KCNB2: variants seen among roughly 807,000 people sequenced by gnomAD.
KCNB2 encodes the protein potassium voltage-gated channel subfamily B member 2.
In KCNB2, 15 loss-of-function variants were observed where a neutral mutation model predicts 61.5. The observed-to-expected ratio is 0.24, with a 90% CI of 0.16 to 0.38. KCNB2 has a LOEUF of 0.38. Ranked by LOEUF, KCNB2 falls within the 10% of genes least tolerant of loss-of-function variation. KCNB2 has a pLI of 1.00. For missense variants in KCNB2, 828 were observed against 1,125.2 expected, an observed-to-expected ratio of 0.74 and a Z score of 3.78; for synonymous variants, 457 against 446.0, an observed-to-expected ratio of 1.02 and a Z score of -0.31.
chr8:72,791,146 A>G (rs1008731036), intron 2 of KCNB2, among the ~76,000 whole-genome samples: 1 of 152,180 alleles, frequency 6.6e-6, no homozygotes, highest in African/African-American at 2.4e-5. Flanking sequence ...TTAGAGACTC[A>G]GGCAGTTTTC....
At chr8:72,599,977 A>G (rs1357009563) in intron 2 of KCNB2, among the ~76,000 whole-genome samples, 1 of 152,204 alleles carries the variant, frequency 6.6e-6, no homozygotes, top group Non-Finnish European at 1.5e-5. Flanking sequence ...AAATAGGAAC[A>G]CTTTTACACT....
At chr8:72,596,591 G>A (rs1383348552) in intron 2 of KCNB2, among the ~76,000 whole-genome samples, 2 of 152,080 alleles carry the variant, frequency 1.3e-5, no homozygotes, top group East Asian at 3.8e-4. Context: ...CTTACTAATA[G>A]CTTCAGAATT....
At chr8:72,538,668 T>C (rs1042228270) in intron 1 of KCNB2, among the ~76,000 whole-genome samples, 6 of 152,222 alleles carry the variant, frequency 3.9e-5, no homozygotes, top group African/African-American at 9.6e-5. Context: ...GCACATACAC[T>C]GGGTTAATTC....
At chr8:72,715,716 T>C (rs975122042) in intron 2 of KCNB2, among the ~76,000 whole-genome samples, 1 of 151,906 alleles carries the variant, frequency 6.6e-6, no homozygotes, top group South Asian at 2.1e-4. Flanking sequence ...GCAGGAAAGA[T>C]CTAAAATTGA....
At chr8:72,851,583 A>G (rs932945487) in intron 2 of KCNB2, among the ~76,000 whole-genome samples, 3 of 151,938 alleles carry the variant, frequency 2.0e-5, no homozygotes, top group African/African-American at 7.3e-5. Context: ...AGTAGCACGA[A>G]CCCTTCGAGA....
chr8:72,774,436 C>G (rs1029828477), intron 2 of KCNB2, among the ~76,000 whole-genome samples: 1 of 152,090 alleles, frequency 6.6e-6, no homozygotes, highest in Non-Finnish European at 1.5e-5. Context: ...CTGCAAACTC[C>G]GCCTCCCAGG....
chr8:72,644,985 T>C (rs1806107910), intron 2 of KCNB2, among the ~76,000 whole-genome samples: 1 of 152,284 alleles, frequency 6.6e-6, no homozygotes, highest in Admixed American at 6.5e-5. Context: ...TGCCCCAGAT[T>C]GTAGTAGAGA....
At chr8:72,596,136 C>A (rs951634198) in intron 2 of KCNB2, among the ~76,000 whole-genome samples, 3 of 151,976 alleles carry the variant, frequency 2.0e-5, no homozygotes, top group Admixed American at 2.0e-4. Context: ...ATTATTATAC[C>A]CAATTTGTAG....
chr8:72,580,102 C>T (rs1806867907), intron 2 of KCNB2, among the ~76,000 whole-genome samples: 1 of 152,174 alleles, frequency 6.6e-6, no homozygotes, highest in African/African-American at 2.4e-5. Flanking sequence ...TTTTCTGCTC[C>T]ATGGGCCATA....
At chr8:72,668,480 G>C (rs998668802) in intron 2 of KCNB2, among the ~76,000 whole-genome samples, 4 of 152,096 alleles carry the variant, frequency 2.6e-5, no homozygotes, top group Non-Finnish European at 5.9e-5. Context: ...CTGTCCTTTG[G>C]AATATACAGA....
At chr8:72,834,547 A>C (rs984846702) in intron 2 of KCNB2, among the ~76,000 whole-genome samples, 6 of 152,114 alleles carry the variant, frequency 3.9e-5, no homozygotes, top group Admixed American at 6.5e-5. Flanking sequence ...GTGGAACCAA[A>C]CCAAAATTCC....
chr8:72,768,719 T>C lies in KCNB2; in HGVS notation c.580-167216T>C, dbSNP rs958677890. 2.0e-5 allele frequency among the ~76,000 whole-genome samples: 3 copies of C among 152,274 alleles called. No individual in the cohort carries two copies. The East Asian group carries it at 5.8e-4, about 29-fold the overall frequency. On this transcript the variant is annotated intron_variant, in intron 2 of 2. Coordinates refer to ENST00000523207, the MANE Select transcript of KCNB2 (RefSeq NM_004770.3). ...CTCTCACACTTATTCTATGATTGAT[T>C]TGGGGGTTAATTTTTATGTATAGCA...
At chr8:72,724,198 G>A (rs934707715) in intron 2 of KCNB2, among the ~76,000 whole-genome samples, 2 of 152,256 alleles carry the variant, frequency 1.3e-5, no homozygotes, top group Non-Finnish European at 2.9e-5. Flanking sequence ...ACGTGTCACT[G>A]TCTGCTTTGT....
intron 2 of KCNB2, among the ~76,000 whole-genome samples, chr8:72,926,177 G>C (rs79603676): frequency 0.051 from 7,725 of 152,176 alleles, 616 homozygotes; most frequent in African/African-American, 0.18. Flanking sequence ...GGGTTGATCT[G>C]TGCAGCAAAC....
chr8:72,544,554 C>T (rs1254077824), intron 1 of KCNB2, among the ~76,000 whole-genome samples: 2 of 152,002 alleles, frequency 1.3e-5, no homozygotes, highest in Admixed American at 6.6e-5. Context: ...ACAGGAATGG[C>T]GAAGAAGGGG....
intron 2 of KCNB2, among the ~76,000 whole-genome samples, chr8:72,802,141 G>A (rs1428843309): frequency 1.3e-5 from 2 of 152,066 alleles, no homozygotes; most frequent in Non-Finnish European, 2.9e-5. Context: ...ACGTAGTATT[G>A]TTATTTGGTA....
Position 72,582,223 on chromosome 8 carries a change from G to A in KCNB2, c.579+13910G>A, listed in dbSNP as rs144179834. Among the ~76,000 whole-genome samples, 69 of 152,326 alleles carry A rather than the reference G, an allele frequency of 4.5e-4. No homozygotes were observed. In the East Asian group the frequency reaches 0.011, roughly 25 times the overall value. ...CCAAGGCTCAGGAAAGCTGCCCAGG[G>A]CAGATGGAATCTTATCTGCATGTGC... On this transcript the variant is annotated intron_variant, in intron 2 of 2. Transcript: ENST00000523207.
rs1476633883 is a variant in KCNB2 at position 72,647,543 on chromosome 8, T to G, written c.579+79230T>G. ...ATGAAAAAATGAGAGCTCAGTACTA[T>G]CAAAGATAAACACAGCTGTACATTC... is the stretch of plus-strand genomic sequence containing the variant. On this transcript the variant is annotated intron_variant, in intron 2 of 2. Coordinates refer to ENST00000523207, the MANE Select transcript of KCNB2 (RefSeq NM_004770.3). 2.0e-5 allele frequency among the ~76,000 whole-genome samples: 3 copies of G among 152,148 alleles called. No individual in the cohort carries two copies. The East Asian group carries it at 5.8e-4, about 29-fold the overall frequency.
At chr8:72,723,781 A>G (rs375051196) in intron 2 of KCNB2, among the ~76,000 whole-genome samples, 1 of 152,230 alleles carries the variant, frequency 6.6e-6, no homozygotes, top group East Asian at 1.9e-4. Flanking sequence ...GACCCAAGAA[A>G]TGGTAGAATT....
Sources: allele counts gnomAD v4.1 joint callset (sites outside exome capture counted in the v4.1 genomes callset), GRCh38; gene constraint gnomAD v4.1.1; transcripts MANE v1.5; gene names NCBI Gene and HGNC (gene_info 2026-07-23, HGNC 2026-07-21).